Variants in LINGO2 observed in about 807,000 individuals in gnomAD.
LINGO2 encodes the protein leucine rich repeat and Ig domain containing 2.
LINGO2 carries 14 observed loss-of-function variants against 30.6 expected under a neutral mutation model. That is an observed-to-expected ratio of 0.46 (90% CI 0.30 to 0.72). The LOEUF (loss-of-function observed/expected upper bound fraction) is 0.72, where lower values mean the gene tolerates loss of function less well. Among genes scored for constraint, LINGO2 ranks in the 30% least tolerant of loss-of-function variants. The pLI is 0.07. For missense variants in LINGO2, 729 were observed against 751.7 expected, an observed-to-expected ratio of 0.97 and a Z score of 0.35; for synonymous variants, 317 against 288.5, an observed-to-expected ratio of 1.10 and a Z score of -1.00.
intron 2 of LINGO2, among the ~76,000 whole-genome samples, chr9:28,444,596 C>A (rs1824343007): frequency 6.6e-6 from 1 of 152,188 alleles, no homozygotes; most frequent in Non-Finnish European, 1.5e-5. Context: ...TATGTAACAC[C>A]CTCTTTGGAC....
the LINGO2 span, among the ~76,000 whole-genome samples, chr9:29,047,222 C>T: frequency 1.3e-5 from 2 of 151,476 alleles, no homozygotes; most frequent in African/African-American, 2.4e-5. Flanking sequence ...GAAAAACAAC[C>T]CCATTAAAAA....
chr9:28,482,133 A>G lies in LINGO2; in HGVS notation c.-364-6108T>C, dbSNP rs545840269. ...GCATGATTTATAGTCCTTTGGGTAT[A>G]TATCCAGTAATGGGATGGCTGGGTC... is the stretch of plus-strand genomic sequence containing the variant. On this transcript the variant is annotated intron_variant, in intron 1 of 5. Transcript: ENST00000379992. Among the ~76,000 whole-genome samples the G allele has an allele frequency of 2.9e-4, 44 of 152,166 alleles. No homozygotes were observed. In the South Asian group the frequency reaches 8.9e-3, roughly 31 times the overall value.
At chr9:28,664,914 G>T (rs972299720) in intron 1 of LINGO2, among the ~76,000 whole-genome samples, 1 of 147,978 alleles carries the variant, frequency 6.8e-6, no homozygotes, top group African/African-American at 2.5e-5. Context: ...GTTATTAACG[G>T]ACTCCACACC....
At chr9:29,121,352 A>G in the LINGO2 span, among the ~76,000 whole-genome samples, 1 of 152,290 alleles carries the variant, frequency 6.6e-6, no homozygotes, top group East Asian at 1.9e-4. Flanking sequence ...TGCAAATGCT[A>G]TATTTTTAAG....
In LINGO2 at chr9:28,526,055, C is replaced by CAAAAAAAAAAAAAAAAAAAAAAAAAA. The variant is rs58629857; in HGVS notation, c.-364-50031_-364-50030insTTTTTTTTTTTTTTTTTTTTTTTTTT. 1.0e-4 allele frequency among the ~76,000 whole-genome samples: 5 copies of CAAAAAAAAAAAAAAAAAAAAAAAAAA among 48,516 alleles called. 1 individual carries two copies. The highest frequency in any genetic ancestry group is 1.6e-4 in the African/African-American group (2 of 12,230). The allele number at this position is 48,516 out of a possible 152,430, so 31.8% of individuals were successfully genotyped here. On this transcript the variant is annotated intron_variant, in intron 1 of 5. Transcript: ENST00000379992. The stretch of plus-strand genomic sequence containing the variant: ...TGGGTGACAGAGCGAGACTCCGTCT[C>CAAAAAAAAAAAAAAAAAAAAAAAAAA]AAAAAAAAAAAAAAAAAAAAAGCCA...
intron 1 of LINGO2, chr9:28,599,389 G>A (rs1428038153): frequency 2.0e-5 from 3 of 152,140 alleles, no homozygotes; most frequent in Non-Finnish European, 4.4e-5. Flanking sequence ...ACCCATAAAT[G>A]AGTTCATTAA....
intron 1 of LINGO2, among the ~76,000 whole-genome samples, chr9:28,656,708 A>T (rs767411242): frequency 2.6e-5 from 4 of 152,126 alleles, no homozygotes; most frequent in Non-Finnish European, 5.9e-5. Flanking sequence ...ATTTGAAAAA[A>T]TGTCTACGCA....
the LINGO2 span, among the ~76,000 whole-genome samples, chr9:29,060,113 C>T: frequency 2.6e-5 from 4 of 152,136 alleles, no homozygotes; most frequent in Middle Eastern, 3.4e-3. Context: ...TTCTTCTTCA[C>T]TCTTCTTTTT....
In LINGO2 at chr9:28,147,660, T is replaced by C; in HGVS notation, c.-86-135255A>G. Among the ~76,000 whole-genome samples, 1 of 152,046 alleles carries C rather than the reference T, an allele frequency of 6.6e-6. No individual in the cohort carries two copies. Among genetic ancestry groups the C allele is most frequent in the Non-Finnish European group, 1.5e-5 (1 of 67,986 alleles). On this transcript the variant is annotated intron_variant, in intron 4 of 5. Transcript: ENST00000379992. This position sits in a 1 kb window ranked among gnomAD's most constrained non-coding sequence, Gnocchi z 4.7. ...TGGGCGAGGTGCCAGGTGGAAGGGC[T>C]CTGGCGGATCAGCCCCGCACCCCCA...
At chr9:29,028,875 A>T in the LINGO2 span, among the ~76,000 whole-genome samples, 1 of 152,190 alleles carries the variant, frequency 6.6e-6, no homozygotes, top group Non-Finnish European at 1.5e-5. Flanking sequence ...GCTTGGTTCA[A>T]AGCTCAAGCA....
At chr9:29,121,068 T>C in the LINGO2 span, among the ~76,000 whole-genome samples, 1 of 152,174 alleles carries the variant, frequency 6.6e-6, no homozygotes, top group Non-Finnish European at 1.5e-5. Flanking sequence ...CTTAATCACT[T>C]AGATTTGGCA....
At chr9:28,844,044 A>G in the LINGO2 span, among the ~76,000 whole-genome samples, 1 of 151,798 alleles carries the variant, frequency 6.6e-6, no homozygotes, top group Non-Finnish European at 1.5e-5. Flanking sequence ...TTGTATTTAA[A>G]ATGAATTATT....
At chr9:28,045,366 T>A (rs180793393) in intron 4 of LINGO2, among the ~76,000 whole-genome samples, 1 of 152,216 alleles carries the variant, frequency 6.6e-6, no homozygotes, top group African/African-American at 2.4e-5. Flanking sequence ...TAAGCTATTA[T>A]GAATTGTCAA....
the LINGO2 span, among the ~76,000 whole-genome samples, chr9:29,132,735 T>G: frequency 6.6e-6 from 1 of 152,148 alleles, no homozygotes; most frequent in Admixed American, 6.6e-5. Context: ...AAACTTGTAG[T>G]CAAGACAATC....
At chr9:28,220,697 C>G (rs1820927287) in intron 4 of LINGO2, among the ~76,000 whole-genome samples, 1 of 152,016 alleles carries the variant, frequency 6.6e-6, no homozygotes, top group African/African-American at 2.4e-5. Context: ...CTACAAAGAC[C>G]CTACATTCTA....
chr9:27,962,016 C>A (rs1300467982), intron 5 of LINGO2, among the ~76,000 whole-genome samples: 2 of 152,076 alleles, frequency 1.3e-5, no homozygotes, highest in African/African-American at 4.8e-5. Context: ...TGTGGGGTGC[C>A]TGGGCAGATT....
chr9:28,955,456 C>T, the LINGO2 span, among the ~76,000 whole-genome samples: 4 of 151,994 alleles, frequency 2.6e-5, no homozygotes, highest in African/African-American at 9.7e-5. Context: ...TCTGCCATGA[C>T]CTGAAAGCCA....
the LINGO2 span, among the ~76,000 whole-genome samples, chr9:29,067,353 AG>A: frequency 7.3e-3 from 1,111 of 151,842 alleles, 12 homozygotes; most frequent in African/African-American, 0.026. Flanking sequence ...CCCATACTGA[AG>A]AGGCTAGAAA....
the LINGO2 span, among the ~76,000 whole-genome samples, chr9:29,114,518 C>T: frequency 6.6e-6 from 1 of 150,970 alleles, no homozygotes; most frequent in African/African-American, 2.4e-5. Context: ...TCGTCATTTA[C>T]ATTAGGTATA....
Sources: allele counts gnomAD v4.1 joint callset (sites outside exome capture counted in the v4.1 genomes callset), GRCh38; gene constraint gnomAD v4.1.1; non-coding constraint Gnocchi (gnomAD v3.1); transcripts MANE v1.5; gene names NCBI Gene and HGNC (gene_info 2026-07-23, HGNC 2026-07-21).